The following EML4 variants were observed in gnomAD, a reference collection of about 807,000 sequenced individuals.
EML4 encodes EMAP like 4, also known as echinoderm microtubule-associated protein-like 4.
A neutral mutation model predicts 129.0 loss-of-function variants in EML4; 72 were observed. The observed-to-expected ratio is 0.56, with a 90% CI of 0.46 to 0.68. The LOEUF (loss-of-function observed/expected upper bound fraction) is 0.68. Among genes scored for constraint, EML4 ranks in the 30% least tolerant of loss-of-function variants. EML4 has a pLI of 0.00. For synonymous variants in EML4, 532 were observed against 405.0 expected (o/e 1.31, Z -3.77); for missense variants, 1,363 against 1,190.6 (o/e 1.14, Z -2.13).
intron 21 of EML4, 35 bp from the exon 22 acceptor site, chr2:42,328,851 T>C (rs532844619): frequency 6.4e-7 from 1 of 1,551,496 alleles, no homozygotes; most frequent in Non-Finnish European, 8.7e-7. Flanking sequence ...TTTCTTCAGC[T>C]AATTTTTCTG....
chr2:42,250,055 C>G (rs1404230007), intron 2 of EML4, among the ~76,000 whole-genome samples: 1 of 152,088 alleles, frequency 6.6e-6, no homozygotes, highest in Non-Finnish European at 1.5e-5. Flanking sequence ...CTTGAGGTGA[C>G]CAAATGAATG....
intron 13 of EML4, 151 bp from the exon 14 acceptor site, chr2:42,301,090 G>C (rs1262448219): frequency 1.5e-5 from 9 of 605,244 alleles, no homozygotes; most frequent in Non-Finnish European, 2.5e-5. Flanking sequence ...TACCTGCTTT[G>C]CACAAAAGAC....
Position 42,169,609 on chromosome 2 carries a change from A to C in EML4, c.-3A>C. ...GCCCGGAGCCCGGCGCTTTCCCCGC[A>C]AGATGGACGGTTTCGCCGGCAGTCT... On this transcript the variant is annotated 5_prime_UTR_variant, in exon 1 of 23. Transcript: ENST00000318522. 6.3e-7 allele frequency: 1 copy of C among 1,598,260 alleles called. No homozygotes were observed. The highest frequency in any genetic ancestry group is 8.5e-7 in the Non-Finnish European group (1 of 1,173,426).
At chr2:42,243,166 G>A (rs904598275) in intron 1 of EML4, among the ~76,000 whole-genome samples, 2 of 152,144 alleles carry the variant, frequency 1.3e-5, no homozygotes, top group South Asian at 2.1e-4. Flanking sequence ...GTAAAGTGAA[G>A]CATCATAGAT....
rs138957012 is a variant in EML4 at position 42,301,251 on chromosome 2, A to G, written c.1500A>G (p.Gln500=). 11 of 1,611,482 alleles carry G rather than the reference A, an allele frequency of 6.8e-6. No homozygotes were observed. Among genetic ancestry groups the G allele is most frequent in the East Asian group, 2.2e-5 (1 of 44,596 alleles). ...TTTCCCTCATATTAGGTGTATATCA[A>G]ATCAGCAAACAAATCAAAGCTCATG... ...TPGKGPKGVY[Q]ISKQIKAHDG... Residue 500 remains glutamine (Q), a synonymous_variant, in exon 14 of 23, where the codon CAA becomes CAG. Coordinates refer to ENST00000318522, the MANE Select transcript of EML4 (RefSeq NM_019063.5).
chr2:42,250,164 C>T (rs1457317344), intron 2 of EML4, among the ~76,000 whole-genome samples: 2 of 152,178 alleles, frequency 1.3e-5, no homozygotes, highest in African/African-American at 4.8e-5. Context: ...AGTTGGCAGT[C>T]AGTCATGTAA....
At chr2:42,180,486 G>C (rs566231544) in intron 1 of EML4, among the ~76,000 whole-genome samples, 2 of 152,292 alleles carry the variant, frequency 1.3e-5, no homozygotes, top group Admixed American at 1.3e-4. Flanking sequence ...TGGTGTGCCA[G>C]GTGCCCTCAG....
At chr2:42,273,673 T>C (rs1666496128) in intron 6 of EML4, among the ~76,000 whole-genome samples, 1 of 141,846 alleles carries the variant, frequency 7.0e-6, no homozygotes, top group South Asian at 2.2e-4. Context: ...ATTTTGTACT[T>C]AGTCAGATTT....
At chr2:42,171,618 C>T (rs1469242687) in intron 1 of EML4, among the ~76,000 whole-genome samples, 2 of 152,082 alleles carry the variant, frequency 1.3e-5, no homozygotes, top group African/African-American at 4.8e-5. Context: ...TTAAAAAATT[C>T]ATTTGATGCC....
In EML4 at chr2:42,325,602, T is replaced by TATATATATATA. The variant is rs1558614750; in HGVS notation, c.2242+48_2242+49insATATATATATA. The TATATATATATA allele has an allele frequency of 4.4e-3, 571 of 129,258 alleles. 38 individuals carry two copies. The highest frequency in any genetic ancestry group is 0.017 in the East Asian group (66 of 3,924). The allele number at this position is 129,258 out of a possible 1,614,324, so 8.0% of individuals were successfully genotyped here. Reference sequence around the variant, plus strand: ...ATATATATATATGCTATGATTATATTTATATATATATATATATATATATAT... The same window carrying TATATATATATA: ...ATATATATATATGCTATGATTATATTATATATATATATATATATATATATATATATATATAT... On this transcript the variant is annotated intron_variant, in intron 20 of 22. Transcript: ENST00000318522.
chr2:42,245,242 G>T (rs114613827), intron 1 of EML4, among the ~76,000 whole-genome samples: 1,745 of 151,218 alleles, frequency 0.012, 33 homozygotes, highest in African/African-American at 0.039. Flanking sequence ...TTACAGGAGC[G>T]CATCATCATG....
chr2:42,258,411 A>G (rs531897569), intron 3 of EML4, among the ~76,000 whole-genome samples: 1 of 124,998 alleles, frequency 8.0e-6, no homozygotes, highest in South Asian at 2.4e-4. Flanking sequence ...ATATATATAT[A>G]TTTTTTGAGA....
At chr2:42,200,091 C>T (rs537922417) in intron 1 of EML4, among the ~76,000 whole-genome samples, 3 of 145,974 alleles carry the variant, frequency 2.1e-5, no homozygotes, top group South Asian at 2.1e-4. Flanking sequence ...GGGCAGATCG[C>T]GAAGTCAGGA....
At chr2:42,251,457 A>T (rs1448765602) in intron 2 of EML4, among the ~76,000 whole-genome samples, 1 of 152,204 alleles carries the variant, frequency 6.6e-6, no homozygotes, top group African/African-American at 2.4e-5. Flanking sequence ...CTTCCACTCA[A>T]AATATACTTT....
chr2:42,236,054 A>C (rs1003168074), intron 1 of EML4, among the ~76,000 whole-genome samples: 2 of 152,176 alleles, frequency 1.3e-5, no homozygotes, highest in Non-Finnish European at 2.9e-5. Context: ...TGAGTGTCTC[A>C]CTGTCCTATC....
intron 1 of EML4, among the ~76,000 whole-genome samples, chr2:42,191,065 A>G (rs900083212): frequency 6.6e-6 from 1 of 152,086 alleles, no homozygotes; most frequent in African/African-American, 2.4e-5. Context: ...TACCTTTTCT[A>G]CTTTATATAT....
At chr2:42,223,164 C>T (rs760115982) in intron 1 of EML4, among the ~76,000 whole-genome samples, 8 of 152,220 alleles carry the variant, frequency 5.3e-5, no homozygotes, top group Non-Finnish European at 8.8e-5. Flanking sequence ...ATTTCATTCA[C>T]TTGATCCCAT....
intron 1 of EML4, among the ~76,000 whole-genome samples, chr2:42,225,202 A>G (rs939985107): frequency 6.6e-6 from 1 of 152,136 alleles, no homozygotes; most frequent in Non-Finnish European, 1.5e-5. Context: ...GTTGTTAATA[A>G]TACTGCTATG....
chr2:42,203,451 T>C (rs1057027546), intron 1 of EML4, among the ~76,000 whole-genome samples: 6 of 152,240 alleles, frequency 3.9e-5, no homozygotes, highest in Non-Finnish European at 8.8e-5. Flanking sequence ...AAGCAAAGTA[T>C]ATTGACATAG....
Sources: allele counts gnomAD v4.1 joint callset (sites outside exome capture counted in the v4.1 genomes callset), GRCh38; gene constraint gnomAD v4.1.1; transcripts MANE v1.5; gene names NCBI Gene and HGNC (gene_info 2026-07-23, HGNC 2026-07-21).